The following SOD2 variants were observed in gnomAD, a reference collection of about 807,000 sequenced individuals.
SOD2 encodes the protein superoxide dismutase [Mn], mitochondrial.
A neutral mutation model predicts 27.0 loss-of-function variants in SOD2; 11 were observed. The observed-to-expected ratio is 0.41, with a 90% CI of 0.26 to 0.67. The LOEUF (loss-of-function observed/expected upper bound fraction) is 0.67. SOD2 is among the 30% of genes least tolerant of loss of function. SOD2 has a pLI of 0.34. For missense variants in SOD2, 250 were observed against 274.5 expected, an observed-to-expected ratio of 0.91 and a Z score of 0.63; for synonymous variants, 105 against 103.0, an observed-to-expected ratio of 1.02 and a Z score of -0.12.
intron 1 of SOD2, among the ~76,000 whole-genome samples, chr6:159,710,737 C>G (rs201614672): frequency 1.3e-5 from 2 of 150,252 alleles, no homozygotes; most frequent in Non-Finnish European, 3.0e-5. Context: ...ACTGCTCTGA[C>G]CACCATAACC....
chr6:159,758,992 C>T (rs575195893), intron 1 of SOD2, among the ~76,000 whole-genome samples: 275 of 152,202 alleles, frequency 1.8e-3, no homozygotes, highest in Middle Eastern at 3.4e-3. Flanking sequence ...TTGTGGCTTC[C>T]TGCCCACTCA....
chr6:159,728,249 C>T (rs1285058679), upstream of SOD2, among the ~76,000 whole-genome samples: 1 of 152,190 alleles, frequency 6.6e-6, no homozygotes. Context: ...TACCTTGGAT[C>T]CCTGTGAGAC....
intron 4 of SOD2, among the ~76,000 whole-genome samples, chr6:159,684,615 A>G (rs1780102277): frequency 6.6e-6 from 1 of 152,114 alleles, no homozygotes; most frequent in African/African-American, 2.4e-5. Context: ...ATCTGTCTCA[A>G]AAAAAATAAA....
upstream of SOD2, among the ~76,000 whole-genome samples, chr6:159,697,754 A>G (rs755003115): frequency 6.6e-6 from 1 of 152,228 alleles, no homozygotes; most frequent in African/African-American, 2.4e-5. Context: ...CCAAGGTCAC[A>G]CATAGAGCTA....
intron 1 of SOD2, among the ~76,000 whole-genome samples, chr6:159,709,900 AATGTGGCATATATACACCATGG>A (rs889633905): frequency 6.6e-6 from 1 of 152,118 alleles, no homozygotes; most frequent in African/African-American, 2.4e-5. Flanking sequence ...GGATTAAGAA[AATGTGGCATATATACACCATGG>A]AATACTATGC....
chr6:159,737,029 G>A (rs1778964805), intron 1 of SOD2, among the ~76,000 whole-genome samples: 1 of 152,182 alleles, frequency 6.6e-6, no homozygotes, highest in African/African-American at 2.4e-5. Context: ...GAGAATTACT[G>A]TGTGCTCCCT....
chr6:159,757,789 T>C (rs574433762), intron 1 of SOD2, among the ~76,000 whole-genome samples: 9 of 152,340 alleles, frequency 5.9e-5, no homozygotes, highest in South Asian at 2.1e-4. Context: ...ATTAAACATT[T>C]TGGTGTTTGA....
intron 1 of SOD2, among the ~76,000 whole-genome samples, chr6:159,707,927 A>AG (rs1311585386): frequency 6.6e-6 from 1 of 152,164 alleles, no homozygotes; most frequent in African/African-American, 2.4e-5. Context: ...ACCGTGATCA[A>AG]GGGGGCGTCA....
rs540932305 is a variant in SOD2, at chr6:159,669,837, C to T, written c.*12656G>A. On this transcript the variant is annotated 3_prime_UTR_variant, in exon 5 of 5. Coordinates refer to ENST00000538183, the MANE Select transcript of SOD2 (RefSeq NM_000636.4). ...CTCCATACCTTCACTTTTGGCCTGT[C>T]TTTACAGGTGAGGTTTCTTGTAGGC... is the stretch of plus-strand genomic sequence containing the variant. The T allele has an allele frequency of 4.9e-4, 74 of 152,234 alleles. No homozygotes were observed. The highest frequency in any genetic ancestry group is 6.8e-3 in the Middle Eastern group (2 of 294). The allele number at this position is 152,234 out of a possible 1,614,324, so 9.4% of individuals were successfully genotyped here.
In SOD2 at chr6:159,676,656, T is replaced by A. The variant is rs914317053; in HGVS notation, c.*5837A>T. The A allele has an allele frequency of 2.6e-5, 4 of 151,804 alleles. No individual in the cohort carries two copies. The highest frequency in any genetic ancestry group is 4.4e-5 in the Non-Finnish European group (3 of 67,960). 9.4% of individuals were successfully genotyped at this position (151,804 alleles called of 1,614,324 possible). On this transcript the variant is annotated 3_prime_UTR_variant, in exon 5 of 5. Coordinates refer to ENST00000538183, the MANE Select transcript of SOD2 (RefSeq NM_000636.4). ...AGATATACCTAATGTAAATGACGAGTTAATAGGTGCAGCACACCAACATGG... is the reference window on the plus strand; with the variant it reads ...AGATATACCTAATGTAAATGACGAGATAATAGGTGCAGCACACCAACATGG...
chr6:159,749,132 A>G (rs11962969), upstream of SOD2: 50 of 986,040 alleles, frequency 5.1e-5, no homozygotes, highest in Non-Finnish European at 5.7e-5. Flanking sequence ...AACTGTAGAT[A>G]ATCTTACTGA....
At position 159,676,170 on chromosome 6, in the gene SOD2, A is replaced by T. The variant is rs918067736; in HGVS notation, c.*6323T>A. 6.6e-6 allele frequency: 1 copy of T among 152,260 alleles called. No homozygotes were observed. Among genetic ancestry groups the T allele is most frequent in the Non-Finnish European group, 1.5e-5 (1 of 68,048 alleles). 9.4% of individuals were successfully genotyped at this position (152,260 alleles called of 1,614,324 possible). A position where few individuals can be genotyped will look rare whatever the true frequency, so the allele number is the denominator to read the frequency against. On this transcript the variant is annotated 3_prime_UTR_variant, in exon 5 of 5. Transcript: ENST00000538183. ...GGTGGGACTGTAAACTAGTTCAACC[A>T]TTGTGGAAGACAGTGTGGCGATTCC...
At chr6:159,694,740 C>T (rs1214988358), upstream of SOD2, among the ~76,000 whole-genome samples, 1 of 149,792 alleles carries the variant, frequency 6.7e-6, no homozygotes, top group South Asian at 2.1e-4. Flanking sequence ...GAATTACAGG[C>T]GTGCACCTCC....
At chr6:159,742,860 A>G (rs186134472) in intron 1 of SOD2, among the ~76,000 whole-genome samples, 1 of 152,036 alleles carries the variant, frequency 6.6e-6, no homozygotes, top group East Asian at 1.9e-4. Context: ...GTTTGAGACC[A>G]GCATAGGCAA....
chr6:159,755,464 T>G, intron 1 of SOD2: 2 of 1,613,974 alleles, frequency 1.2e-6, no homozygotes, highest in Non-Finnish European at 1.7e-6. Context: ...GTGAAAACTC[T>G]CTCACACACC....
In SOD2 at chr6:159,669,817, T is replaced by C. The variant is rs1582992677; in HGVS notation, c.*12676A>G. On this transcript the variant is annotated 3_prime_UTR_variant, in exon 5 of 5. Coordinates refer to ENST00000538183, the MANE Select transcript of SOD2 (RefSeq NM_000636.4). ...CATTTGTATGCAATATCTTTCTCCA[T>C]ACCTTCACTTTTGGCCTGTCTTTAC... 2 of 152,228 alleles carry C rather than the reference T, an allele frequency of 1.3e-5. No individual in the cohort carries two copies. Among genetic ancestry groups the C allele is most frequent in the East Asian group, 3.8e-4 (2 of 5,202 alleles). 9.4% of individuals were successfully genotyped at this position (152,228 alleles called of 1,614,324 possible). A position where few individuals can be genotyped will look rare whatever the true frequency, so the allele number is the denominator to read the frequency against.
chr6:159,698,933 G>T (rs368333897), intron 1 of SOD2, among the ~76,000 whole-genome samples: 1 of 118,008 alleles, frequency 8.5e-6, no homozygotes, highest in Non-Finnish European at 1.7e-5. Flanking sequence ...TTGCTGTCTG[G>T]GGGGTGGGGG....
At chr6:159,709,478 A>G (rs1777689434) in intron 1 of SOD2, among the ~76,000 whole-genome samples, 3 of 152,244 alleles carry the variant, frequency 2.0e-5, no homozygotes, top group Non-Finnish European at 4.4e-5. Flanking sequence ...ACACTCCCCA[A>G]AAGAAGACAT....
chr6:159,704,857 TA>T (rs1268744971), intron 1 of SOD2, among the ~76,000 whole-genome samples: 2 of 152,174 alleles, frequency 1.3e-5, no homozygotes, highest in Non-Finnish European at 2.9e-5. Flanking sequence ...CTGAGTAGCC[TA>T]ACTGGGAGGC....
Sources: gnomAD v4.1 joint callset for allele counts (sites outside exome capture counted in the v4.1 genomes callset) on GRCh38, gnomAD v4.1.1 for gene constraint, MANE v1.5 for transcripts, NCBI Gene and HGNC (gene_info 2026-07-23, HGNC 2026-07-21) for gene names.